LIPI: variants seen among roughly 807,000 people sequenced by gnomAD.
LIPI encodes the protein lipase I, also known as lipase member I.
In LIPI, 59 loss-of-function variants were observed where a neutral mutation model predicts 50.6. The ratio of observed to expected loss-of-function variants is 1.16; its 90% CI spans 0.94 to 1.45. The LOEUF is 1.45. Among genes scored for constraint, LIPI ranks in the 40% most tolerant of loss-of-function variants. The pLI is 0.00. For missense variants in LIPI, 586 were observed against 536.3 expected (o/e 1.09, Z -0.92); for synonymous variants, 203 against 178.2 (o/e 1.14, Z -1.11).
Position 14,165,364 on chromosome 21 carries a change from G to C in LIPI, c.760C>G (p.Gln254Glu), listed in dbSNP as rs756197762. 6.2e-7 allele frequency: 1 copy of C among 1,611,934 alleles called. No individual in the cohort carries two copies. Among genetic ancestry groups the C allele is most frequent in the Admixed American group, 1.7e-5 (1 of 59,970 alleles). The change falls in exon 6 of 10, where the codon CAG becomes GAG. Residue 254 changes from glutamine to glutamate, a missense_variant. Coordinates refer to ENST00000681601, the MANE Select transcript of LIPI (RefSeq NM_001302998.2). ...SGIQFIKCNH[Q>E]RAVHLFMASL... ...GCCATGAACAAGTGAACTGCTCTCT[G>C]GTGGTTGCATTTAATGAATTGAATT...
At chr21:14,161,441 T>C (rs2018459761) in intron 7 of LIPI, among the ~76,000 whole-genome samples, 1 of 139,704 alleles carries the variant, frequency 7.2e-6, no homozygotes, top group Non-Finnish European at 1.5e-5. Context: ...TATCAATATA[T>C]ATTATATATA....
intron 1 of LIPI, among the ~76,000 whole-genome samples, chr21:14,192,260 T>A (rs374896018): frequency 2.0e-5 from 3 of 151,806 alleles, no homozygotes; most frequent in East Asian, 3.9e-4. Context: ...AGATCAGGAG[T>A]TCGAGATAAG....
chr21:14,205,311 T>C lies in LIPI; in HGVS notation c.46+5489A>G, dbSNP rs1035146872. Among the ~76,000 whole-genome samples, 26 of 152,010 alleles carry C rather than the reference T, an allele frequency of 1.7e-4. 1 individual carries two copies. Among genetic ancestry groups the C allele is most frequent in the Admixed American group, 1.6e-3 (25 of 15,224 alleles). ...GACTGGAAAAATAAATTATCATGTA[T>C]TTCTAAGATGGGGACTATGCAGCAT... On this transcript the variant is annotated intron_variant, in intron 1 of 9. Coordinates refer to ENST00000681601, the MANE Select transcript of LIPI (RefSeq NM_001302998.2).
At chr21:14,188,829 G>A (rs76326905) in intron 2 of LIPI, among the ~76,000 whole-genome samples, 312 of 152,192 alleles carry the variant, frequency 2.1e-3, no homozygotes, top group African/African-American at 6.6e-3. Flanking sequence ...CACAGGATAT[G>A]TCTAGGTATA....
intron 4 of LIPI, among the ~76,000 whole-genome samples, chr21:14,169,574 C>G (rs1024947680): frequency 5.3e-5 from 8 of 152,206 alleles, no homozygotes; most frequent in African/African-American, 1.9e-4. Context: ...CAAAACCGTT[C>G]AACTACATGG....
At chr21:14,185,297 T>C (rs974495033) in intron 3 of LIPI, among the ~76,000 whole-genome samples, 6 of 152,198 alleles carry the variant, frequency 3.9e-5, no homozygotes, top group Admixed American at 2.6e-4. Flanking sequence ...TGCATCAAAG[T>C]TTGTGATAAC....
Position 14,165,302 on chromosome 21 carries a change from A to T in LIPI, c.822T>A (p.Pro274=), listed in dbSNP as rs761791512. The part of the protein sequence containing the change: ...LETNCNFISF[P]CRSYKDYKTS... ...TCTTGTAATCTTTGTATGAACGACA[A>T]GGAAATGAAATAAAATTGCAGTTTG... The change falls in exon 6 of 10, where the codon CCT becomes CCA. Residue 274 remains proline, a synonymous_variant. Transcript: ENST00000681601. The T allele has an allele frequency of 6.2e-7, 1 of 1,612,626 alleles. No individual in the cohort carries two copies. Among genetic ancestry groups the T allele is most frequent in the African/African-American group, 1.3e-5 (1 of 75,012 alleles).
chr21:14,198,455 A>C (rs2019937470), intron 1 of LIPI, among the ~76,000 whole-genome samples: 1 of 152,158 alleles, frequency 6.6e-6, no homozygotes, highest in South Asian at 2.1e-4. Flanking sequence ...ACAGAAAAAA[A>C]ATAGGGGTTG....
chr21:14,189,018 A>C lies in LIPI; in HGVS notation c.432+16T>G, dbSNP rs1201461009. 1.9e-6 allele frequency: 3 copies of C among 1,596,654 alleles called. No homozygotes were observed. The highest frequency in any genetic ancestry group is 1.1e-5 in the South Asian group (1 of 90,972). ...TATTGTATAGCATGTATAATACATA[A>C]AATTCCCAGACTTACCAAAAGATTT... On this transcript the variant is annotated intron_variant, in intron 2 of 9. Coordinates refer to ENST00000681601, the MANE Select transcript of LIPI (RefSeq NM_001302998.2).
chr21:14,176,844 T>A (rs1195046699), intron 4 of LIPI, among the ~76,000 whole-genome samples: 1 of 151,902 alleles, frequency 6.6e-6, no homozygotes, highest in Non-Finnish European at 1.5e-5. Context: ...TACGTGCAGG[T>A]TTGTTACATA....
intron 9 of LIPI, among the ~76,000 whole-genome samples, chr21:14,138,523 T>A (rs1278933695): frequency 1.3e-5 from 2 of 152,056 alleles, no homozygotes; most frequent in East Asian, 3.8e-4. Flanking sequence ...TTGGTATCCA[T>A]ATAAATTTTA....
intron 9 of LIPI, among the ~76,000 whole-genome samples, chr21:14,132,288 G>A (rs1213747450): frequency 1.3e-5 from 2 of 152,102 alleles, no homozygotes; most frequent in Non-Finnish European, 2.9e-5. Context: ...AAGGCAAACT[G>A]AAAGAATTTT....
At position 14,189,403 on chromosome 21, in the gene LIPI, G is replaced by C; in HGVS notation, c.63C>G (p.Cys21Trp). Residue 21 changes from cysteine to tryptophan, a missense_variant, in exon 2 of 10, where the codon TGC becomes TGG. Physicochemically the swap from Cys to Trp is radical, Grantham distance 215. Transcript: ENST00000681601. ...CWVRSDNKRPCLEFSQLSVKD... is the reference protein window; with the variant it reads ...CWVRSDNKRPWLEFSQLSVKD... ...TTACACTTAGCTGAGAGAATTCAAG[G>C]CATGGTCTTTTATTATCTGAAATAA... is the stretch of plus-strand genomic sequence containing the variant. 6.2e-7 allele frequency: 1 copy of C among 1,612,544 alleles called. No homozygotes were observed. Among genetic ancestry groups the C allele is most frequent in the Non-Finnish European group, 8.5e-7 (1 of 1,178,786 alleles).
At chr21:14,140,442 CA>C (rs2017664626) in intron 9 of LIPI, among the ~76,000 whole-genome samples, 2 of 152,004 alleles carry the variant, frequency 1.3e-5, no homozygotes, top group South Asian at 4.1e-4. Flanking sequence ...ATATACATTA[CA>C]AAAGTTTTCT....
intron 8 of LIPI, among the ~76,000 whole-genome samples, chr21:14,146,491 A>G (rs1039348312): frequency 1.3e-5 from 2 of 152,080 alleles, no homozygotes; most frequent in Admixed American, 1.3e-4. Flanking sequence ...TTCCATTTCA[A>G]CTATAAACCT....
In LIPI at chr21:14,165,286, C is replaced by T; in HGVS notation, c.838G>A (p.Asp280Asn). 6.2e-7 allele frequency: 1 copy of T among 1,612,862 alleles called. No homozygotes were observed. Among genetic ancestry groups the T allele is most frequent in the Non-Finnish European group, 8.5e-7 (1 of 1,179,166 alleles). The change falls in exon 6 of 10, where the codon GAT (aspartate) becomes AAT (asparagine). Residue 280 changes from aspartate to asparagine, a missense_variant. Physicochemically the swap from Asp to Asn is conservative, Grantham distance 23. Coordinates refer to ENST00000681601, the MANE Select transcript of LIPI (RefSeq NM_001302998.2). ...FISFPCRSYK[D>N]YKTSLCVDCD... ...TCCACACATAAGCTAGTCTTGTAAT[C>T]TTTGTATGAACGACAAGGAAATGAA...
intron 7 of LIPI, among the ~76,000 whole-genome samples, chr21:14,158,521 G>A (rs1204649393): frequency 6.7e-6 from 1 of 150,366 alleles, no homozygotes; most frequent in African/African-American, 2.4e-5. Context: ...TCTGCCTCAA[G>A]AAAATAGAAA....
chr21:14,166,476 C>A, intron 4 of LIPI, 25 bp from the exon 5 acceptor site: 1 of 1,203,506 alleles, frequency 8.3e-7, no homozygotes, highest in Non-Finnish European at 1.2e-6. Flanking sequence ...ACCCAAGAAT[C>A]ACAACATGTA....
At chr21:14,130,188 AAGAT>A (rs970009990) in intron 9 of LIPI, among the ~76,000 whole-genome samples, 6 of 152,200 alleles carry the variant, frequency 3.9e-5, no homozygotes, top group African/African-American at 1.4e-4. Flanking sequence ...GAAAAAGTGA[AAGAT>A]AGCCAGGTGT....
Sources: allele counts gnomAD v4.1 joint callset (sites outside exome capture counted in the v4.1 genomes callset), GRCh38; gene constraint gnomAD v4.1.1; transcripts MANE v1.5; gene names NCBI Gene and HGNC (gene_info 2026-07-23, HGNC 2026-07-21).